CAB39: variants seen among roughly 807,000 people sequenced by gnomAD.
The protein encoded by CAB39 is calcium binding protein 39.
Under a neutral mutation model 40.0 loss-of-function variants are expected in CAB39, and 8 were observed. That is an observed-to-expected ratio of 0.20 (90% confidence interval 0.12 to 0.36). The LOEUF (loss-of-function observed/expected upper bound fraction) is 0.36. Among genes scored for constraint, CAB39 ranks in the 10% least tolerant of loss-of-function variants. The pLI is 1.00. For synonymous variants in CAB39, 156 were observed against 141.6 expected (o/e 1.10, Z -0.72); for missense variants, 270 against 401.1 (o/e 0.67, Z 2.79).
At chr2:230,735,841 C>G (rs1694780170) in intron 1 of CAB39, among the ~76,000 whole-genome samples, 1 of 152,116 alleles carries the variant, frequency 6.6e-6, no homozygotes, top group Non-Finnish European at 1.5e-5. Context: ...TATATAAAGA[C>G]CATTTAGACT....
intron 2 of CAB39, among the ~76,000 whole-genome samples, chr2:230,787,298 G>A (rs765386801): frequency 8.5e-5 from 13 of 152,186 alleles, no homozygotes; most frequent in Non-Finnish European, 1.5e-4. Flanking sequence ...TCAAAGATAT[G>A]ATGGGCTCTA....
intron 1 of CAB39, among the ~76,000 whole-genome samples, chr2:230,732,358 T>C (rs13413711): frequency 0.36 from 54,814 of 152,058 alleles, 13,683 homozygotes; most frequent in African/African-American, 0.71. Context: ...CTGGGATTAC[T>C]GGCGTGAGCC....
intron 1 of CAB39, among the ~76,000 whole-genome samples, chr2:230,727,363 CGTGTGTGTGTGTGTGTGTGTGTGTGT>C (rs10542723): frequency 7.9e-6 from 1 of 126,948 alleles, no homozygotes; most frequent in Non-Finnish European, 1.6e-5. Flanking sequence ...GATTGTTAAC[CGTGTGTGTGTGTGTGTGTGTGTGTGT>C]GTGTGTGTGT....
intron 2 of CAB39, among the ~76,000 whole-genome samples, chr2:230,788,855 A>C (rs1695842875): frequency 6.6e-6 from 1 of 151,948 alleles, no homozygotes; most frequent in Non-Finnish European, 1.5e-5. Context: ...AAGCAATTTG[A>C]TTATTCTGTG....
At chr2:230,783,518 A>T (rs948646842) in intron 2 of CAB39, among the ~76,000 whole-genome samples, 5 of 150,440 alleles carry the variant, frequency 3.3e-5, no homozygotes, top group Admixed American at 1.3e-4. Context: ...TCTGCCATCC[A>T]GGCAGTGGAT....
At chr2:230,815,532 A>G (rs966280296) in intron 7 of CAB39, among the ~76,000 whole-genome samples, 12 of 152,226 alleles carry the variant, frequency 7.9e-5, no homozygotes, top group African/African-American at 2.9e-4. Context: ...CTAAGGCCAC[A>G]AAGGCCAGAC....
intron 1 of CAB39, among the ~76,000 whole-genome samples, chr2:230,739,588 G>A (rs550684523): frequency 3.8e-4 from 58 of 152,160 alleles, no homozygotes; most frequent in Non-Finnish European, 7.6e-4. Flanking sequence ...TCCGCCTCCC[G>A]GGTTCAAGCG....
At chr2:230,800,082 A>T (rs187220748) in intron 5 of CAB39, among the ~76,000 whole-genome samples, 175 of 152,272 alleles carry the variant, frequency 1.1e-3, no homozygotes, top group African/African-American at 3.9e-3. Flanking sequence ...TGATATGCAG[A>T]CGACCATGCT....
At chr2:230,759,108 C>T (rs1025283907) in intron 1 of CAB39, among the ~76,000 whole-genome samples, 1 of 152,124 alleles carries the variant, frequency 6.6e-6, no homozygotes, top group Non-Finnish European at 1.5e-5. Context: ...TTTTATCCAG[C>T]GAGTTCTTTC....
intron 1 of CAB39, among the ~76,000 whole-genome samples, chr2:230,754,468 C>T (rs1042138969): frequency 1.4e-5 from 2 of 147,400 alleles, no homozygotes; most frequent in South Asian, 2.2e-4. Context: ...CCTCCTTCTT[C>T]CCCTCCTACT....
At chr2:230,785,531 G>A (rs1489454723) in intron 2 of CAB39, among the ~76,000 whole-genome samples, 1 of 151,922 alleles carries the variant, frequency 6.6e-6, no homozygotes, top group East Asian at 1.9e-4. Flanking sequence ...TAACAGGCAG[G>A]GTGAGTTCCT....
chr2:230,809,647 T>G (rs1307773500), intron 5 of CAB39, among the ~76,000 whole-genome samples: 1 of 152,226 alleles, frequency 6.6e-6, no homozygotes, highest in East Asian at 1.9e-4. Flanking sequence ...GGGTGAGGCA[T>G]AGGGTTCTGT....
At chr2:230,788,552 C>T (rs1273199321) in intron 2 of CAB39, among the ~76,000 whole-genome samples, 1 of 152,136 alleles carries the variant, frequency 6.6e-6, no homozygotes, top group Non-Finnish European at 1.5e-5. Flanking sequence ...TTTTCTTCAG[C>T]CAGTAGGACT....
intron 3 of CAB39, among the ~76,000 whole-genome samples, chr2:230,792,067 A>G (rs1192118172): frequency 6.6e-6 from 1 of 152,210 alleles, no homozygotes; most frequent in Non-Finnish European, 1.5e-5. Context: ...ATGAGAGGGT[A>G]TGGTTCATAA....
chr2:230,725,423 C>T, intron 1 of CAB39: 3 of 1,576,966 alleles, frequency 1.9e-6, no homozygotes, highest in Non-Finnish European at 2.6e-6. Flanking sequence ...GCTTAATCCG[C>T]AACTTCAGTT....
At chr2:230,784,143 C>T (rs1041376547) in intron 2 of CAB39, among the ~76,000 whole-genome samples, 2 of 151,972 alleles carry the variant, frequency 1.3e-5, no homozygotes, top group African/African-American at 4.8e-5. Context: ...ATTTGGGAGT[C>T]AGTGATGAGT....
chr2:230,804,395 T>A (rs1316778071), intron 5 of CAB39, among the ~76,000 whole-genome samples: 3 of 151,968 alleles, frequency 2.0e-5, no homozygotes, highest in African/African-American at 7.3e-5. Flanking sequence ...CCAAAATAGA[T>A]AAATGGGATC....
chr2:230,786,220 G>A (rs1408521665), intron 2 of CAB39, among the ~76,000 whole-genome samples: 1 of 150,690 alleles, frequency 6.6e-6, no homozygotes, highest in East Asian at 2.0e-4. Flanking sequence ...GCCCAGGCTG[G>A]TCTCAAACTC....
At chr2:230,797,310 A>G (rs1485232438) in intron 4 of CAB39, among the ~76,000 whole-genome samples, 2 of 152,210 alleles carry the variant, frequency 1.3e-5, no homozygotes, top group African/African-American at 2.4e-5. Context: ...TATAGTAGCT[A>G]CTAACCACAT....
Sources: allele counts gnomAD v4.1 joint callset (sites outside exome capture counted in the v4.1 genomes callset), GRCh38; gene constraint gnomAD v4.1.1; transcripts MANE v1.5; gene names NCBI Gene and HGNC (gene_info 2026-07-23, HGNC 2026-07-21).